CALN1: variants seen among roughly 807,000 people sequenced by gnomAD.
CALN1 encodes the protein calneuron 1.
CALN1 carries 17 observed loss-of-function variants against 30.6 expected under a neutral mutation model. The ratio of observed to expected loss-of-function variants is 0.56; its 90% CI spans 0.38 to 0.83. The LOEUF (loss-of-function observed/expected upper bound fraction) is 0.83. Ranked by LOEUF, CALN1 falls within the 40% of genes least tolerant of loss-of-function variation. CALN1 has a pLI of 0.00. For synonymous variants in CALN1, 156 were observed against 131.4 expected (o/e 1.19, Z -1.28); for missense variants, 291 against 354.9 (o/e 0.82, Z 1.45).
chr7:72,168,468 C>A (rs1238806895), intron 3 of CALN1, among the ~76,000 whole-genome samples: 1 of 152,150 alleles, frequency 6.6e-6, no homozygotes, highest in Non-Finnish European at 1.5e-5. Flanking sequence ...CAGCTCAGGG[C>A]TTTAAAATGT....
At chr7:71,930,390 TA>T (rs913049111) in intron 5 of CALN1, among the ~76,000 whole-genome samples, 1 of 152,158 alleles carries the variant, frequency 6.6e-6, no homozygotes, top group African/African-American at 2.4e-5. Flanking sequence ...CTGTATTTTT[TA>T]GATCGTTTGT....
intron 3 of CALN1, among the ~76,000 whole-genome samples, chr7:72,116,502 C>T (rs1434505642): frequency 1.3e-5 from 2 of 152,162 alleles, no homozygotes; most frequent in Non-Finnish European, 2.9e-5. Context: ...GGAAGCATGG[C>T]AGAGAGGCCC....
At chr7:72,472,083 AC>A in the CALN1 span, among the ~76,000 whole-genome samples, 1 of 152,164 alleles carries the variant, frequency 6.6e-6, no homozygotes, top group Non-Finnish European at 1.5e-5. Flanking sequence ...GATGTGAGCC[AC>A]TGCGCCCAGC....
chr7:71,997,366 G>C (rs1262052246), intron 5 of CALN1, among the ~76,000 whole-genome samples: 7 of 152,140 alleles, frequency 4.6e-5, no homozygotes. Context: ...TGTGAGGACA[G>C]ATCAATAAAA....
At chr7:72,257,130 A>T (rs1795967812) in intron 3 of CALN1, among the ~76,000 whole-genome samples, 1 of 152,206 alleles carries the variant, frequency 6.6e-6, no homozygotes, top group Non-Finnish European at 1.5e-5. Context: ...GCGGCAAGAG[A>T]GAGAGCGTGC....
chr7:72,099,319 G>A (rs1307301012), intron 4 of CALN1, among the ~76,000 whole-genome samples: 1 of 145,422 alleles, frequency 6.9e-6, no homozygotes, highest in African/African-American at 2.6e-5. Flanking sequence ...CTAGTTTGGT[G>A]TGATTACTTT....
intron 2 of CALN1, among the ~76,000 whole-genome samples, chr7:72,385,013 C>T (rs150541112): frequency 1.4e-4 from 21 of 152,080 alleles, no homozygotes; most frequent in East Asian, 1.9e-4. Flanking sequence ...CATACTCCTC[C>T]GCAAGAAAAA....
chr7:72,481,556 G>A, the CALN1 span, among the ~76,000 whole-genome samples: 1 of 152,082 alleles, frequency 6.6e-6, no homozygotes, highest in African/African-American at 2.4e-5. Context: ...CAAGGTGGAA[G>A]CTTAGGTTAT....
intron 3 of CALN1, among the ~76,000 whole-genome samples, chr7:72,145,305 C>T (rs1361100523): frequency 8.5e-5 from 13 of 152,274 alleles, no homozygotes; most frequent in African/African-American, 2.9e-4. Context: ...ACCGATCCCA[C>T]AGAAATACAA....
intron 5 of CALN1, among the ~76,000 whole-genome samples, chr7:71,985,251 T>A (rs760422793): frequency 3.9e-5 from 6 of 152,166 alleles, no homozygotes; most frequent in African/African-American, 1.4e-4. Flanking sequence ...CATTTCACAC[T>A]CTGCGTATTG....
At chr7:72,038,816 T>C (rs940969283) in intron 4 of CALN1, among the ~76,000 whole-genome samples, 3 of 152,184 alleles carry the variant, frequency 2.0e-5, no homozygotes, top group African/African-American at 7.2e-5. Context: ...AGTTACCCTA[T>C]AGGGTCTAAA....
chr7:71,880,377 G>A (rs916798313), intron 5 of CALN1, among the ~76,000 whole-genome samples: 2 of 152,132 alleles, frequency 1.3e-5, no homozygotes, highest in African/African-American at 4.8e-5. Context: ...CCTCTTGCAT[G>A]AACTTTCCCT....
the CALN1 span, among the ~76,000 whole-genome samples, chr7:72,467,902 A>C: frequency 1.3e-5 from 2 of 152,144 alleles, no homozygotes; most frequent in Non-Finnish European, 2.9e-5. Context: ...TAGCTCCAAC[A>C]ACCACCAATT....
intron 3 of CALN1, among the ~76,000 whole-genome samples, chr7:72,273,940 A>T (rs576135249): frequency 6.6e-6 from 1 of 152,200 alleles, no homozygotes; most frequent in East Asian, 1.9e-4. Context: ...AGTTTCATGC[A>T]AAAGAAAGTT....
upstream of CALN1, among the ~76,000 whole-genome samples, chr7:72,447,993 CACACACACATGCCTGCCCAGGT>C (rs1370350085): frequency 4.6e-5 from 7 of 151,616 alleles, no homozygotes; most frequent in East Asian, 1.4e-3. Context: ...CACACACACA[CACACACACATGCCTGCCCAGGT>C]ACACACATGC....
chr7:72,266,241 A>T (rs915002230), intron 3 of CALN1, among the ~76,000 whole-genome samples: 1 of 152,190 alleles, frequency 6.6e-6, no homozygotes, highest in Admixed American at 6.5e-5. Context: ...ATGATAGCTT[A>T]CTATTACTAG....
chr7:71,975,567 C>T (rs568729026), intron 5 of CALN1, among the ~76,000 whole-genome samples: 1 of 152,070 alleles, frequency 6.6e-6, no homozygotes, highest in Non-Finnish European at 1.5e-5. Flanking sequence ...GCTGGGACTA[C>T]AGACATGCAC....
intron 3 of CALN1, among the ~76,000 whole-genome samples, chr7:72,135,644 T>C (rs969988398): frequency 5.3e-5 from 8 of 152,200 alleles, no homozygotes; most frequent in African/African-American, 1.4e-4. Context: ...GTCTAGAGCA[T>C]AGGCAGAATA....
At chr7:71,877,110 A>G (rs1385838347) in intron 5 of CALN1, among the ~76,000 whole-genome samples, 1 of 152,216 alleles carries the variant, frequency 6.6e-6, no homozygotes, top group African/African-American at 2.4e-5. Context: ...ACATTAAAGA[A>G]AAAAAACCAT....
Sources: gnomAD v4.1 joint callset for allele counts (sites outside exome capture counted in the v4.1 genomes callset) on GRCh38, gnomAD v4.1.1 for gene constraint, MANE v1.5 for transcripts, NCBI Gene and HGNC (gene_info 2026-07-23, HGNC 2026-07-21) for gene names.